The following PCNX2 variants were observed in gnomAD, a reference collection of about 807,000 sequenced individuals.
PCNX2 encodes the protein pecanex-like protein 2.
Under a neutral mutation model 223.8 loss-of-function variants are expected in PCNX2, and 168 were observed. The ratio of observed to expected loss-of-function variants is 0.75; its 90% CI spans 0.66 to 0.85. The LOEUF (loss-of-function observed/expected upper bound fraction) is 0.85. PCNX2 is among the 40% of genes least tolerant of loss of function. PCNX2 has a pLI of 0.00. For missense variants in PCNX2, 2,507 were observed against 2,675.5 expected (o/e 0.94, Z 1.39); for synonymous variants, 1,006 against 1,052.6 (o/e 0.96, Z 0.86).
chr1:233,001,730 A>T lies in PCNX2; in HGVS notation c.4953-49T>A, dbSNP rs145216974. The T allele has an allele frequency of 5.6e-4, 812 of 1,443,540 alleles. 5 individuals are homozygous for T. The East Asian group carries it at 0.015, about 27-fold the overall frequency. The allele number at this position is 1,443,540 out of a possible 1,614,324, so 89.4% of individuals were successfully genotyped here. A position where few individuals can be genotyped will look rare whatever the true frequency, so the allele number is the denominator to read the frequency against. On this transcript the variant is annotated intron_variant, in intron 28 of 33. Transcript: ENST00000258229. The surrounding 1 kb of genome is among the most constrained non-coding windows in gnomAD (Gnocchi z 4.2). ...ATGGAACAAATTTCAGAATCCTGTC[A>T]TTGTGAGCAAAGTTTGAGTCTCCCA...
intron 19 of PCNX2, among the ~76,000 whole-genome samples, chr1:233,155,408 C>A (rs1445561598): frequency 6.6e-6 from 1 of 152,188 alleles, no homozygotes; most frequent in Admixed American, 6.5e-5. Context: ...CTTAGTCATT[C>A]CTACGTCACT....
chr1:233,223,801 A>C (rs546868332), intron 10 of PCNX2, among the ~76,000 whole-genome samples: 1 of 152,204 alleles, frequency 6.6e-6, no homozygotes. Context: ...GTGTGTTCTC[A>C]TGGTAACTGA....
rs148435630 is a variant in PCNX2 at position 233,145,172 on chromosome 1, T to C, written c.3518-5317A>G. 4.7e-3 allele frequency among the ~76,000 whole-genome samples: 712 copies of C among 152,156 alleles called. 9 individuals are homozygous for C. The highest frequency in any genetic ancestry group is 0.016 in the African/African-American group (673 of 41,508). On this transcript the variant is annotated intron_variant, in intron 19 of 33. Transcript: ENST00000258229. ...TAGTAGAGACGGTGTTTCACCGTGT[T>C]AGCCATGATAGTCTCAACCTCCTGA...
the PCNX2 span, among the ~76,000 whole-genome samples, chr1:233,303,679 G>A: frequency 4.6e-5 from 7 of 151,908 alleles, no homozygotes; most frequent in Non-Finnish European, 8.8e-5. Context: ...TTTAGGGTAC[G>A]TGTGCACAAC....
chr1:233,117,494 G>A (rs1196925833), intron 21 of PCNX2, among the ~76,000 whole-genome samples: 3 of 150,868 alleles, frequency 2.0e-5, no homozygotes, highest in African/African-American at 4.9e-5. Flanking sequence ...AGCCGTATTC[G>A]GGAGGCTGAG....
intron 8 of PCNX2, among the ~76,000 whole-genome samples, chr1:233,244,304 T>A (rs1025852755): frequency 1.3e-5 from 2 of 152,222 alleles, no homozygotes; most frequent in South Asian, 4.1e-4. Context: ...TGTGTTCACA[T>A]AGCTAGATAC....
chr1:233,183,128 C>A (rs529731638), intron 15 of PCNX2, among the ~76,000 whole-genome samples: 1 of 152,186 alleles, frequency 6.6e-6, no homozygotes, highest in Non-Finnish European at 1.5e-5. Flanking sequence ...AGGCAGCTGG[C>A]AACTTTATCC....
At chr1:233,088,736 G>A (rs1405051918) in intron 23 of PCNX2, among the ~76,000 whole-genome samples, 1 of 152,156 alleles carries the variant, frequency 6.6e-6, no homozygotes, top group Non-Finnish European at 1.5e-5. Context: ...ATGTGAGATT[G>A]TCTGAAGGAG....
chr1:233,165,105 CATGT>C (rs1678714318), intron 17 of PCNX2, among the ~76,000 whole-genome samples: 1 of 152,098 alleles, frequency 6.6e-6, no homozygotes, highest in Non-Finnish European at 1.5e-5. Flanking sequence ...AGAATGCATA[CATGT>C]ATGAAAACAT....
chr1:233,259,191 A>C lies in PCNX2; in HGVS notation c.671T>G (p.Ile224Ser), dbSNP rs755574572. ...TCCTCTTTCCTTTCCTTTACCATTG[A>C]TGAGAGTTTCTGTGGCAACTGGTTT... is the stretch of plus-strand genomic sequence containing the variant. ...PVKPVATETL[I>S]NGKGKERGGK... Residue 224 changes from isoleucine (I) to serine (S), a missense_variant, in exon 5 of 34, where the codon ATC (isoleucine) becomes AGC (serine). Ile to Ser is a moderately radical substitution (Grantham distance 142). This residue lies in a region of PCNX2 where 1,031 missense variants were observed against 1,021.7 expected (regional missense o/e 1.01). Coordinates refer to ENST00000258229, the MANE Select transcript of PCNX2 (RefSeq NM_014801.4). 1 of 1,613,842 alleles carries C rather than the reference A, an allele frequency of 6.2e-7. No homozygotes were observed. Among genetic ancestry groups the C allele is most frequent in the Non-Finnish European group, 8.5e-7 (1 of 1,179,862 alleles).
chr1:233,296,865 G>C (rs1197417582), upstream of PCNX2, among the ~76,000 whole-genome samples: 7 of 152,196 alleles, frequency 4.6e-5, no homozygotes, highest in East Asian at 5.8e-4. Flanking sequence ...ACGAAGATAA[G>C]GACAGGCCCA....
chr1:233,250,892 C>A, intron 7 of PCNX2, 60 bp from the exon 8 acceptor site: 1 of 1,482,380 alleles, frequency 6.7e-7, no homozygotes. Flanking sequence ...AGAATCGTTT[C>A]AACTTATACA....
At chr1:233,173,123 C>T (rs1043824192) in intron 17 of PCNX2, among the ~76,000 whole-genome samples, 1 of 151,276 alleles carries the variant, frequency 6.6e-6, no homozygotes, top group Non-Finnish European at 1.5e-5. Flanking sequence ...ATTCTCTGAT[C>T]TTGGATAGTC....
At chr1:233,281,078 GT>G (rs1276592350) in intron 1 of PCNX2, among the ~76,000 whole-genome samples, 2 of 152,180 alleles carry the variant, frequency 1.3e-5, no homozygotes, top group Admixed American at 1.3e-4. Context: ...CACAGCAAGT[GT>G]TTTATTGCCT....
chr1:233,322,512 C>T, the PCNX2 span, among the ~76,000 whole-genome samples: 1 of 152,056 alleles, frequency 6.6e-6, no homozygotes, highest in Non-Finnish European at 1.5e-5. Flanking sequence ...TCACACTGGT[C>T]GGTGATCAAG....
At chr1:233,202,635 G>C (rs1165760008) in intron 13 of PCNX2, among the ~76,000 whole-genome samples, 2 of 152,194 alleles carry the variant, frequency 1.3e-5, no homozygotes, top group African/African-American at 2.4e-5. Flanking sequence ...CAAGACATAG[G>C]AATGGGACGT....
At chr1:233,150,034 A>T (rs1677702713) in intron 19 of PCNX2, among the ~76,000 whole-genome samples, 1 of 151,796 alleles carries the variant, frequency 6.6e-6, no homozygotes, top group Non-Finnish European at 1.5e-5. Flanking sequence ...TGTTTCTTTC[A>T]TTGTACTTTC....
intron 9 of PCNX2, among the ~76,000 whole-genome samples, chr1:233,228,557 T>C (rs1442040430): frequency 6.6e-6 from 1 of 152,142 alleles, no homozygotes; most frequent in East Asian, 1.9e-4. Context: ...GATCACACAG[T>C]AGTTGAACCT....
At chr1:233,096,399 T>C (rs548876726) in intron 21 of PCNX2, among the ~76,000 whole-genome samples, 25 of 152,160 alleles carry the variant, frequency 1.6e-4, no homozygotes, top group Admixed American at 6.5e-5. Context: ...TTTGGGAAGA[T>C]ATGGAAAATA....
Sources: gnomAD v4.1 joint callset for allele counts (sites outside exome capture counted in the v4.1 genomes callset) on GRCh38, gnomAD v4.1.1 for gene constraint, gnomAD v4.1.1 regional missense constraint, Gnocchi (gnomAD v3.1) non-coding constraint, MANE v1.5 for transcripts, NCBI Gene and HGNC (gene_info 2026-07-23, HGNC 2026-07-21) for gene names.